Variants in SLC7A9 observed in about 807,000 individuals in gnomAD.
The protein encoded by SLC7A9 is B(0,+)-type amino acid transporter 1.
In SLC7A9, 38 loss-of-function variants were observed where a neutral mutation model predicts 54.1. The observed-to-expected ratio is 0.70, with a 90% CI of 0.54 to 0.92. The LOEUF is 0.92. Among genes scored for constraint, SLC7A9 ranks in the 40% least tolerant of loss-of-function variants. The pLI is 0.00. For synonymous variants in SLC7A9, 264 were observed against 258.9 expected, an observed-to-expected ratio of 1.02 and a Z score of -0.19; for missense variants, 537 against 636.1, an observed-to-expected ratio of 0.84 and a Z score of 1.68.
chr19:32,840,509 G>A (rs1459243198), intron 11 of SLC7A9, among the ~76,000 whole-genome samples: 2 of 152,022 alleles, frequency 1.3e-5, no homozygotes, highest in African/African-American at 4.8e-5. Context: ...TTTCTGAAAT[G>A]ATTTTTTTCC....
intron 9 of SLC7A9, among the ~76,000 whole-genome samples, chr19:32,848,894 T>C (rs1326806434): frequency 2.0e-5 from 3 of 151,772 alleles, no homozygotes; most frequent in African/African-American, 7.3e-5. Flanking sequence ...TCAAAACAGC[T>C]CAACTACATG....
rs1484090815 is a variant in SLC7A9 at position 32,860,358 on chromosome 19, ACCAGCCTGG to A, written c.749+239_749+247del. 6.0e-5 allele frequency: 81 copies of A among 1,359,650 alleles called. 1 individual carries two copies. In the Middle Eastern group the frequency reaches 3.2e-3, roughly 54 times the overall value. 84.2% of individuals were successfully genotyped at this position (1,359,650 alleles called of 1,614,324 possible). ...AATCTCTTGAGGTTGGGAGTTCAAG[ACCAGCCTGG>A]CCAACATGGCAAAATCTCATCTCTA... On this transcript the variant is annotated intron_variant, in intron 7 of 12. Transcript: ENST00000023064.
rs372306844 is a variant in SLC7A9 at position 32,864,198 on chromosome 19, C to T, written c.376G>A (p.Ala126Thr). Residue 126 changes from alanine (A) to threonine (T), a missense_variant, in exon 4 of 13, where the codon GCC becomes ACC. Transcript: ENST00000023064. ...TCGGAGAAGCTGAGGCAGATGATGG[C>T]GAAGGACGTGGGCTTAATGACGATC... Reference protein sequence around the residue: ...SLIVIKPTSFAIICLSFSEYV... With the variant: ...SLIVIKPTSFTIICLSFSEYV... 40 of 1,614,094 alleles carry T rather than the reference C, an allele frequency of 2.5e-5. No homozygotes were observed. The highest frequency in any genetic ancestry group is 3.3e-5 in the South Asian group (3 of 91,092).
rs958115362 is a variant in SLC7A9, at chr19:32,843,819, C to T, written c.1074+36G>A. On this transcript the variant is annotated intron_variant, in intron 10 of 12. Transcript: ENST00000023064. ...GCACCCCATGGATGGAGTGTCCCCGCCTTGAAGATAGGCTGGTAGCGGGAT... is the reference window on the plus strand; with the variant it reads ...GCACCCCATGGATGGAGTGTCCCCGTCTTGAAGATAGGCTGGTAGCGGGAT... 2.0e-6 allele frequency: 3 copies of T among 1,523,408 alleles called. No individual in the cohort carries two copies. The African/African-American group carries it at 4.1e-5, about 21-fold the overall frequency. 94.4% of individuals were successfully genotyped at this position (1,523,408 alleles called of 1,614,324 possible).
chr19:32,868,786 G>A (rs1157764449), intron 1 of SLC7A9, 141 bp from the exon 2 acceptor site: 1 of 567,810 alleles, frequency 1.8e-6, no homozygotes, highest in Non-Finnish European at 3.2e-6. Context: ...GCTCTCCAAA[G>A]CTCAGCTGCT....
chr19:32,855,657 A>C (rs181351550), intron 9 of SLC7A9, among the ~76,000 whole-genome samples: 1 of 152,106 alleles, frequency 6.6e-6, no homozygotes, highest in South Asian at 2.1e-4. Flanking sequence ...AGCCGAGATC[A>C]TGCCACTGCA....
At chr19:32,834,006 A>G (rs1967883778) in intron 11 of SLC7A9, among the ~76,000 whole-genome samples, 2 of 152,176 alleles carry the variant, frequency 1.3e-5, no homozygotes, top group Admixed American at 1.3e-4. Context: ...TTAGTGCTGT[A>G]TTCTGTGTGT....
chr19:32,844,073 C>T (rs895547735), intron 9 of SLC7A9, 122 bp from the exon 10 acceptor site: 8 of 736,954 alleles, frequency 1.1e-5, no homozygotes, highest in African/African-American at 1.0e-4. Context: ...GGGAGCTGAG[C>T]AGGGACCTGA....
chr19:32,830,802 C>T, intron 12 of SLC7A9, 118 bp from the exon 13 acceptor site: 1 of 761,382 alleles, frequency 1.3e-6, no homozygotes, highest in Non-Finnish European at 2.2e-6. Context: ...TCACCTAGAC[C>T]CTGTGCTCAG....
At chr19:32,833,750 T>C (rs1433258708) in intron 11 of SLC7A9, among the ~76,000 whole-genome samples, 1 of 151,582 alleles carries the variant, frequency 6.6e-6, no homozygotes. Context: ...TGAGCCGAGA[T>C]TGCACCATTG....
rs538734365 is a variant in SLC7A9 at position 32,864,169 on chromosome 19, A to G, written c.405T>C (p.Tyr135=). Residue 135 remains tyrosine (Y), a synonymous_variant, in exon 4 of 13, where the codon TAT becomes TAC. Coordinates refer to ENST00000023064, the MANE Select transcript of SLC7A9 (RefSeq NM_014270.5). ...FAIICLSFSE[Y]VCAPFYVGCK... is the part of the protein sequence containing the mutation. ...AGCCCACATAGAAGGGCGCACACAC[A>G]TACTCGGAGAAGCTGAGGCAGATGA... 7 of 1,614,210 alleles carry G rather than the reference A, an allele frequency of 4.3e-6. No homozygotes were observed. The South Asian group carries it at 5.5e-5, about 13-fold the overall frequency.
rs386388892 is a variant in SLC7A9 at position 32,844,857 on chromosome 19, C to CAAAAAAAAAAAAAAAAAAAAA, written c.978-927_978-907dup. Among the ~76,000 whole-genome samples, 47 of 30,314 alleles carry CAAAAAAAAAAAAAAAAAAAAA rather than the reference C, an allele frequency of 1.6e-3. 9 individuals are homozygous for CAAAAAAAAAAAAAAAAAAAAA. Among genetic ancestry groups the CAAAAAAAAAAAAAAAAAAAAA allele is most frequent in the Non-Finnish European group, 2.4e-3 (41 of 16,988 alleles). 19.9% of individuals were successfully genotyped at this position (30,314 alleles called of 152,430 possible). On this transcript the variant is annotated intron_variant, in intron 9 of 12. Coordinates refer to ENST00000023064, the MANE Select transcript of SLC7A9 (RefSeq NM_014270.5). The stretch of plus-strand genomic sequence containing the variant: ...TGGACGACAGAGTGAGAATCCATCT[C>CAAAAAAAAAAAAAAAAAAAAA]AAAAAAAAAAAAAAAAAAAAAAAAA...
chr19:32,864,196 G>A lies in SLC7A9; in HGVS notation c.378C>T (p.Ala126=), dbSNP rs1313247474. Residue 126 remains alanine, a synonymous_variant, in exon 4 of 13, where the codon GCC becomes GCT. Transcript: ENST00000023064. ...ACTCGGAGAAGCTGAGGCAGATGAT[G>A]GCGAAGGACGTGGGCTTAATGACGA... ...SLIVIKPTSF[A]IICLSFSEYV... is the part of the protein sequence containing the mutation. 6 of 1,614,110 alleles carry A rather than the reference G, an allele frequency of 3.7e-6. No homozygotes were observed. Among genetic ancestry groups the A allele is most frequent in the Non-Finnish European group, 4.2e-6 (5 of 1,180,044 alleles).
intron 11 of SLC7A9, among the ~76,000 whole-genome samples, chr19:32,837,929 T>G (rs1405466426): frequency 3.3e-5 from 5 of 152,154 alleles, no homozygotes; most frequent in Non-Finnish European, 7.4e-5. Context: ...TAAAAGCTAA[T>G]AAGCAAAAAA....
At chr19:32,834,097 A>T (rs1967886000) in intron 11 of SLC7A9, among the ~76,000 whole-genome samples, 1 of 152,042 alleles carries the variant, frequency 6.6e-6, no homozygotes, top group South Asian at 2.1e-4. Flanking sequence ...GTGAGTTTCA[A>T]CCCGTTGTAG....
intron 3 of SLC7A9, 83 bp downstream of exon 3, chr19:32,864,546 G>T: frequency 6.3e-7 from 1 of 1,576,004 alleles, no homozygotes; most frequent in East Asian, 2.2e-5. Context: ...GATACTGGCA[G>T]GGTGAGGGCT....
intron 8 of SLC7A9, among the ~76,000 whole-genome samples, chr19:32,859,122 C>T (rs930736932): frequency 6.7e-6 from 1 of 148,398 alleles, no homozygotes; most frequent in South Asian, 2.2e-4. Context: ...TTTTTGGAGA[C>T]AGGATCTTGC....
At chr19:32,850,445 A>C (rs990160741) in intron 9 of SLC7A9, among the ~76,000 whole-genome samples, 6 of 151,756 alleles carry the variant, frequency 4.0e-5, no homozygotes, top group South Asian at 2.1e-4. Context: ...CAAAGAGAAT[A>C]AAATACCTAG....
At position 32,833,206 on chromosome 19, in the gene SLC7A9, G is replaced by T. The variant is rs1227468013; in HGVS notation, c.1342C>A (p.Leu448Ile). 6.2e-7 allele frequency: 1 copy of T among 1,614,036 alleles called. No individual in the cohort carries two copies. The highest frequency in any genetic ancestry group is 8.5e-7 in the Non-Finnish European group (1 of 1,180,038). ...TGGACAAACAGGAAGTAAAATAAAA[G>T]GCCGCTTAATATAAACAGCACACAG... is the stretch of plus-strand genomic sequence containing the variant. ...LYCVLFILSG[L>I]LFYFLFVHYK... is the part of the protein sequence containing the mutation. The change falls in exon 12 of 13, where the codon CTT becomes ATT. Residue 448 changes from leucine (L) to isoleucine (I), a missense_variant. Transcript: ENST00000023064.
Sources: gnomAD v4.1 joint callset for allele counts (sites outside exome capture counted in the v4.1 genomes callset) on GRCh38, gnomAD v4.1.1 for gene constraint, MANE v1.5 for transcripts, NCBI Gene and HGNC (gene_info 2026-07-23, HGNC 2026-07-21) for gene names.